The following GBP1 variants were observed in gnomAD, a reference collection of about 807,000 sequenced individuals.
GBP1 encodes guanylate-binding protein 1.
GBP1 carries 64 observed loss-of-function variants against 69.5 expected under a neutral mutation model. That is an observed-to-expected ratio of 0.92 (90% CI 0.75 to 1.13). GBP1 has a LOEUF of 1.13. Ranked by LOEUF, GBP1 falls within the 50% of genes most tolerant of loss-of-function variation. The pLI, the probability that GBP1 is intolerant of heterozygous loss-of-function variation, is 0.00. For missense variants in GBP1, 630 were observed against 704.1 expected (o/e 0.89, Z 1.19); for synonymous variants, 250 against 261.2 (o/e 0.96, Z 0.41).
chr1:89,055,227 G>C lies in GBP1; in HGVS notation c.1369-12C>G. The stretch of plus-strand genomic sequence containing the variant: ...AGAATCTCTTCAGCCTTAGGACCCA[G>C]AGAACACAGAGTGAGAAGTAGGAAA... On this transcript the variant is annotated splice_polypyrimidine_tract_variant and intron_variant, in intron 8 of 10. Transcript: ENST00000370473. The C allele has an allele frequency of 6.2e-7, 1 of 1,613,038 alleles. No homozygotes were observed. The highest frequency in any genetic ancestry group is 8.5e-7 in the Non-Finnish European group (1 of 1,179,768).
chr1:89,059,228 G>A, intron 4 of GBP1, 89 bp downstream of exon 4: 1 of 1,613,276 alleles, frequency 6.2e-7, no homozygotes, highest in Non-Finnish European at 8.5e-7. Flanking sequence ...TTTTGAGCTT[G>A]ATTCATCAGG....
intron 1 of GBP1, among the ~76,000 whole-genome samples, chr1:89,063,716 A>T (rs1260160471): frequency 1.3e-5 from 2 of 152,236 alleles, no homozygotes; most frequent in African/African-American, 4.8e-5. Context: ...AAGATTTTTA[A>T]ATGTGTTCCT....
intron 2 of GBP1, among the ~76,000 whole-genome samples, 155 bp from the exon 3 acceptor site, chr1:89,060,479 A>G (rs1471766022): frequency 6.6e-6 from 1 of 152,256 alleles, no homozygotes; most frequent in African/African-American, 2.4e-5. Flanking sequence ...AGGAAATTTG[A>G]ATATCCAATG....
Position 89,055,174 on chromosome 1 carries a change from A to G in GBP1, c.1410T>C (p.Ser470=). The G allele has an allele frequency of 3.7e-6, 6 of 1,611,978 alleles. No individual in the cohort carries two copies. The highest frequency in any genetic ancestry group is 5.1e-6 in the Non-Finnish European group (6 of 1,179,474). The change falls in exon 9 of 11, where the codon TCT becomes TCC. Residue 470 remains serine, a synonymous_variant. Coordinates refer to ENST00000370473, the MANE Select transcript of GBP1 (RefSeq NM_002053.3). ...ILQTYLKSKE[S]MTDAILQTDQ... is the part of the protein sequence containing the mutation. ...CTGTCTGGAGAATTGCATCAGTCAT[A>G]GACTCCTTGGATTTCAAGTATGTCT...
chr1:89,058,976 C>T lies in GBP1; in HGVS notation c.496G>A (p.Glu166Lys). ...SSPDENENEVEDSADFVSFFP... is the reference protein window; with the variant it reads ...SSPDENENEVKDSADFVSFFP... ...AAGCTCACAAAGTCAGCTGAATCCT[C>T]AACCTCATTCTCATTCTCATCAGGT... The change falls in exon 5 of 11, where the codon GAG becomes AAG. Residue 166 changes from glutamate to lysine, a missense_variant. By Grantham distance (56) the Glu-to-Lys change is moderately conservative (BLOSUM62 1). Transcript: ENST00000370473. 1 of 1,614,174 alleles carries T rather than the reference C, an allele frequency of 6.2e-7. No individual in the cohort carries two copies. The highest frequency in any genetic ancestry group is 8.5e-7 in the Non-Finnish European group (1 of 1,180,028).
rs1680089498 is a variant in GBP1, at chr1:89,058,044, A to G, written c.822T>C (p.Phe274=). The part of the protein sequence containing the change: ...QQVADFCSYI[F]SNSKTKTLSG... ...AAAGAGTTTTAGTTTTGGAATTACTAAAGATGTAGGAACAGAAGTCTGCTA... is the reference window on the plus strand; with the variant it reads ...AAAGAGTTTTAGTTTTGGAATTACTGAAGATGTAGGAACAGAAGTCTGCTA... The change falls in exon 6 of 11, where the codon TTT becomes TTC. Residue 274 remains phenylalanine, a synonymous_variant. Coordinates refer to ENST00000370473, the MANE Select transcript of GBP1 (RefSeq NM_002053.3). The G allele has an allele frequency of 1.2e-6, 2 of 1,614,038 alleles. No individual in the cohort carries two copies. Among genetic ancestry groups the G allele is most frequent in the Non-Finnish European group, 1.7e-6 (2 of 1,179,982 alleles).
rs745650674 is a variant in GBP1 at position 89,063,118 on chromosome 1, C to A, written c.117G>T (p.Val39=). The A allele has an allele frequency of 1.2e-6, 2 of 1,614,114 alleles. No homozygotes were observed. Among genetic ancestry groups the A allele is most frequent in the Non-Finnish European group, 1.7e-6 (2 of 1,179,992 alleles). ...GGTAGAGGCCCACAATTGCCACCAC[C>A]ACCATAGGCTGTGTAATGGCAGAAA... The part of the protein sequence containing the change: ...KILSAITQPM[V]VVAIVGLYRT... The change falls in exon 2 of 11, where the codon GTG becomes GTT. Residue 39 remains valine, a synonymous_variant. Transcript: ENST00000370473.
rs1262410369 is a variant in GBP1 at position 89,058,704 on chromosome 1, G to C, written c.631+137C>G. ...TAACATCTATTAATTTGGATATTCA[G>C]CAAGTATTAATTTCTAGGAATAGCC... On this transcript the variant is annotated intron_variant, in intron 5 of 10. Transcript: ENST00000370473. 5.0e-6 allele frequency: 4 copies of C among 793,430 alleles called. No individual in the cohort carries two copies. The East Asian group carries it at 1.0e-4, about 21-fold the overall frequency. 49.1% of individuals were successfully genotyped at this position (793,430 alleles called of 1,614,324 possible). A position where few individuals can be genotyped will look rare whatever the true frequency, so the allele number is the denominator to read the frequency against.
chr1:89,056,843 AC>A lies in GBP1; in HGVS notation c.1155+10del. ...TGACCCTAAACCGTATACATTTGAG[AC>A]AAAAATTACCGCTAACTCCTTTTGA... On this transcript the variant is annotated intron_variant, in intron 7 of 10. Coordinates refer to ENST00000370473, the MANE Select transcript of GBP1 (RefSeq NM_002053.3). 1 of 1,612,838 alleles carries A rather than the reference AC, an allele frequency of 6.2e-7. No homozygotes were observed. Among genetic ancestry groups the A allele is most frequent in the Non-Finnish European group, 8.5e-7 (1 of 1,179,074 alleles).
At chr1:89,055,365 A>G in intron 8 of GBP1, 150 bp from the exon 9 acceptor site, 1 of 1,353,498 alleles carries the variant, frequency 7.4e-7, no homozygotes, top group Non-Finnish European at 9.9e-7. Context: ...AGCGACAGAC[A>G]CATGCTCCTG....
At chr1:89,061,875 T>C (rs981182955) in intron 2 of GBP1, among the ~76,000 whole-genome samples, 11 of 151,878 alleles carry the variant, frequency 7.2e-5, no homozygotes, top group Admixed American at 1.3e-4. Context: ...AAAGAAGATA[T>C]ACAAGTGGCC....
chr1:89,062,409 A>G (rs1483484448), intron 2 of GBP1, among the ~76,000 whole-genome samples: 1 of 152,256 alleles, frequency 6.6e-6, no homozygotes, highest in African/African-American at 2.4e-5. Context: ...TAAAAGGACA[A>G]ATATTGAATG....
At position 89,063,040 on chromosome 1, in the gene GBP1, C is replaced by T; in HGVS notation, c.190+5G>A. 6.2e-7 allele frequency: 1 copy of T among 1,614,004 alleles called. No homozygotes were observed. Among genetic ancestry groups the T allele is most frequent in the South Asian group, 1.1e-5 (1 of 91,080 alleles). On this transcript the variant is annotated splice_donor_5th_base_variant and intron_variant, in intron 2 of 10. Coordinates refer to ENST00000370473, the MANE Select transcript of GBP1 (RefSeq NM_002053.3). ...ACTTGGCAGAGCTTTGCTCATGCCA[C>T]TCACCCTTTTTCTTTCCAGCCAGCT...
In GBP1 at chr1:89,052,923, G is replaced by T. The variant is rs775890928; in HGVS notation, c.*432C>A. ...GAAATCACATTATTGCTCATAGACC[G>T]TGTAGTCTTGATCTAACGGATAACT... On this transcript the variant is annotated 3_prime_UTR_variant, in exon 11 of 11. Coordinates refer to ENST00000370473, the MANE Select transcript of GBP1 (RefSeq NM_002053.3). 1.3e-5 allele frequency: 2 copies of T among 155,940 alleles called. No individual in the cohort carries two copies. The highest frequency in any genetic ancestry group is 4.0e-4 in the South Asian group (2 of 5,054). 9.7% of individuals were successfully genotyped at this position (155,940 alleles called of 1,614,324 possible).
At chr1:89,054,621 G>A (rs772557915) in intron 10 of GBP1, 61 bp downstream of exon 10, 9 of 1,463,494 alleles carry the variant, frequency 6.1e-6, no homozygotes, top group Middle Eastern at 1.8e-4. Context: ...CTAAGTTTGC[G>A]ATCAGGGAGA....
chr1:89,058,167 T>C lies in GBP1; in HGVS notation c.699A>G (p.Lys233=). The change falls in exon 6 of 11, where the codon AAA becomes AAG. Residue 233 remains lysine (K), a synonymous_variant. Coordinates refer to ENST00000370473, the MANE Select transcript of GBP1 (RefSeq NM_002053.3). ...CGGGCCGATCAAAGACAAAGCATTTTTTCTTTGGGAAGAATTTCCGGATAC... is the reference window on the plus strand; with the variant it reads ...CGGGCCGATCAAAGACAAAGCATTTCTTCTTTGGGAAGAATTTCCGGATAC... ...RLCIRKFFPK[K]KCFVFDRPVH... 1.2e-6 allele frequency: 2 copies of C among 1,614,092 alleles called. No individual in the cohort carries two copies. The highest frequency in any genetic ancestry group is 1.7e-6 in the Non-Finnish European group (2 of 1,179,956).
chr1:89,063,935 A>C (rs1680265264), intron 1 of GBP1, among the ~76,000 whole-genome samples: 1 of 152,210 alleles, frequency 6.6e-6, no homozygotes, highest in Non-Finnish European at 1.5e-5. Flanking sequence ...AAGCTTCATT[A>C]GAGTCACGAT....
chr1:89,065,003 C>A (rs893463383), intron 1 of GBP1, among the ~76,000 whole-genome samples, 157 bp downstream of exon 1: 4 of 152,184 alleles, frequency 2.6e-5, no homozygotes, highest in Non-Finnish European at 5.9e-5. Context: ...GGCTCATCTG[C>A]AGCCTAATTT....
chr1:89,054,775 A>C lies in GBP1; in HGVS notation c.1572T>G (p.Tyr524Ter), dbSNP rs1260963385. ...CAGTCAGTTGTTTCAAGTGTTCCTG[A>C]TAACTCCTCTCCTTCTGTTCCATCA... ...EQMMEQKERS[Y>*]QEHLKQLTEK... Residue 524 changes from tyrosine to a stop codon, truncating the protein, a stop_gained, in exon 10 of 11, where the codon TAT (tyrosine) becomes TAG (stop). Transcript: ENST00000370473. LOFTEE classifies it high-confidence loss of function. The C allele has an allele frequency of 6.2e-7, 1 of 1,614,098 alleles. No homozygotes were observed. The highest frequency in any genetic ancestry group is 1.3e-5 in the African/African-American group (1 of 74,932).
Sources: gnomAD v4.1 joint callset for allele counts (sites outside exome capture counted in the v4.1 genomes callset) on GRCh38, gnomAD v4.1.1 for gene constraint, MANE v1.5 for transcripts, NCBI Gene and HGNC (gene_info 2026-07-23, HGNC 2026-07-21) for gene names.